Variants in UST observed in about 807,000 individuals in gnomAD.
UST encodes chondroitin sulfate 2-O-sulfotransferase.
UST carries 21 observed loss-of-function variants against 45.6 expected under a neutral mutation model. That is an observed-to-expected ratio of 0.46 (90% CI 0.33 to 0.66). The LOEUF is 0.66. Among genes scored for constraint, UST ranks in the 30% least tolerant of loss-of-function variants. The probability of loss-of-function intolerance (pLI) is 0.02; values close to 1 mark genes in which losing one functional copy is unlikely to be tolerated. For missense variants in UST, 463 were observed against 512.4 expected, an observed-to-expected ratio of 0.90 and a Z score of 0.93; for synonymous variants, 215 against 200.6, an observed-to-expected ratio of 1.07 and a Z score of -0.61.
intron 2 of UST, among the ~76,000 whole-genome samples, chr6:148,907,188 G>C (rs1779380435): frequency 6.6e-6 from 1 of 152,152 alleles, no homozygotes; most frequent in Non-Finnish European, 1.5e-5. Flanking sequence ...GCCAACACGG[G>C]AATTGATGCT....
intron 2 of UST, among the ~76,000 whole-genome samples, chr6:148,930,899 A>T (rs1240122739): frequency 6.6e-6 from 1 of 152,282 alleles, no homozygotes; most frequent in African/African-American, 2.4e-5. Flanking sequence ...CAAGAAACTA[A>T]CATTTGATTC....
chr6:149,002,963 A>T (rs1781581258), intron 5 of UST, among the ~76,000 whole-genome samples: 1 of 152,248 alleles, frequency 6.6e-6, no homozygotes, highest in Non-Finnish European at 1.5e-5. Context: ...TTGGTCGCTT[A>T]AAGCCAGAGT....
rs371153839 is a variant in UST, at chr6:148,772,973, C to G, written c.247+25296C>G. Among the ~76,000 whole-genome samples the G allele has an allele frequency of 5.9e-5, 9 of 152,122 alleles. No homozygotes were observed. In the East Asian group the frequency reaches 9.6e-4, roughly 16 times the overall value. On this transcript the variant is annotated intron_variant, in intron 1 of 7. Coordinates refer to ENST00000367463, the MANE Select transcript of UST (RefSeq NM_005715.3). The stretch of plus-strand genomic sequence containing the variant: ...TTGCGAACCTCTTTTTCCAATTCAG[C>G]AAACTTTTGCAAGTCTTGACATATT...
chr6:149,023,816 A>G (rs919535386), intron 7 of UST, among the ~76,000 whole-genome samples: 6 of 152,202 alleles, frequency 3.9e-5, no homozygotes, highest in African/African-American at 1.2e-4. Flanking sequence ...TTGTCGTGGT[A>G]TATCATATTG....
At chr6:148,800,047 T>C (rs1562261788) in intron 1 of UST, among the ~76,000 whole-genome samples, 1 of 152,254 alleles carries the variant, frequency 6.6e-6, no homozygotes, top group African/African-American at 2.4e-5. Flanking sequence ...GCTGTCTGCA[T>C]CCTGATGAGG....
intron 2 of UST, among the ~76,000 whole-genome samples, chr6:148,896,058 T>C (rs1191493618): frequency 6.6e-6 from 1 of 152,220 alleles, no homozygotes; most frequent in African/African-American, 2.4e-5. Context: ...AGTAGGTAAA[T>C]TACTTATAGA....
At chr6:148,871,922 A>G (rs551939977) in intron 1 of UST, among the ~76,000 whole-genome samples, 3 of 152,320 alleles carry the variant, frequency 2.0e-5, no homozygotes, top group East Asian at 3.9e-4. Flanking sequence ...AACCTTCACT[A>G]TTAACCAGCC....
intron 1 of UST, among the ~76,000 whole-genome samples, chr6:148,830,275 C>A (rs1441568995): frequency 6.6e-6 from 1 of 152,228 alleles, no homozygotes; most frequent in Non-Finnish European, 1.5e-5. Context: ...TGTCTGGCAA[C>A]ATGATGCATG....
At chr6:148,977,771 AG>A (rs371470752) in intron 5 of UST, among the ~76,000 whole-genome samples, 2 of 131,314 alleles carry the variant, frequency 1.5e-5, no homozygotes, top group Non-Finnish European at 3.3e-5. Context: ...AAAAAAAAAA[AG>A]AAAAGAAAAT....
At chr6:148,807,345 A>G (rs1178757627) in intron 1 of UST, among the ~76,000 whole-genome samples, 1 of 152,120 alleles carries the variant, frequency 6.6e-6, no homozygotes, top group African/African-American at 2.4e-5. Context: ...TAGGCCTTCA[A>G]AGGAGGAATC....
intron 1 of UST, among the ~76,000 whole-genome samples, chr6:148,861,506 G>A (rs901540038): frequency 6.6e-6 from 1 of 152,076 alleles, no homozygotes; most frequent in Non-Finnish European, 1.5e-5. Context: ...CTTCGGTTCT[G>A]TTCTGATCTT....
At chr6:148,795,662 G>A (rs1562260423) in intron 1 of UST, among the ~76,000 whole-genome samples, 2 of 152,226 alleles carry the variant, frequency 1.3e-5, no homozygotes, top group South Asian at 2.1e-4. Flanking sequence ...TGGGATGGGC[G>A]TGGGTCTGTA....
chr6:148,947,928 A>G (rs1253325603), intron 3 of UST, among the ~76,000 whole-genome samples: 3 of 151,944 alleles, frequency 2.0e-5, no homozygotes, highest in African/African-American at 7.2e-5. Context: ...GGTGGAAAAA[A>G]AAAAAAGAAA....
intron 5 of UST, among the ~76,000 whole-genome samples, chr6:148,992,300 C>A (rs528027378): frequency 2.0e-5 from 3 of 152,042 alleles, no homozygotes; most frequent in Admixed American, 1.3e-4. Context: ...GTCAGGAGAT[C>A]GAGACCATCC....
chr6:148,759,383 CG>C (rs1776159711), intron 1 of UST, among the ~76,000 whole-genome samples: 1 of 151,024 alleles, frequency 6.6e-6, no homozygotes, highest in Admixed American at 6.6e-5. Flanking sequence ...AAAAATTAGC[CG>C]GGCGTGGTCG....
intron 5 of UST, among the ~76,000 whole-genome samples, chr6:148,984,221 C>G (rs1406161762): frequency 6.6e-6 from 1 of 152,190 alleles, no homozygotes; most frequent in Admixed American, 6.5e-5. Context: ...TGAGAATGCA[C>G]TAATGAAAAA....
intron 2 of UST, among the ~76,000 whole-genome samples, chr6:148,907,836 G>T (rs1779393319): frequency 6.7e-6 from 1 of 150,042 alleles, no homozygotes; most frequent in South Asian, 2.1e-4. Flanking sequence ...GATCTGAATT[G>T]CTAATTTTTA....
chr6:148,774,342 T>A (rs1344396198), intron 1 of UST, among the ~76,000 whole-genome samples: 1 of 151,016 alleles, frequency 6.6e-6, no homozygotes, highest in Non-Finnish European at 1.5e-5. Context: ...AATTTACTTA[T>A]AGACAAGGCC....
rs183092896 is a variant in UST at position 148,783,112 on chromosome 6, C to G, written c.247+35435C>G. Among the ~76,000 whole-genome samples, 337 of 152,276 alleles carry G rather than the reference C, an allele frequency of 2.2e-3. 4 individuals are homozygous for G. The South Asian group carries it at 0.04, about 18-fold the overall frequency. On this transcript the variant is annotated intron_variant, in intron 1 of 7. Coordinates refer to ENST00000367463, the MANE Select transcript of UST (RefSeq NM_005715.3). Reference sequence around the variant, plus strand: ...TCACCAACATCGAGACAAGACCCTCCTCCAGCAAAAAGATTATGACTCACT... The same window carrying G: ...TCACCAACATCGAGACAAGACCCTCGTCCAGCAAAAAGATTATGACTCACT...
Sources: gnomAD v4.1 joint callset for allele counts (sites outside exome capture counted in the v4.1 genomes callset) on GRCh38, gnomAD v4.1.1 for gene constraint, MANE v1.5 for transcripts, NCBI Gene and HGNC (gene_info 2026-07-23, HGNC 2026-07-21) for gene names.